The following MEF2C variants were observed in gnomAD, a reference collection of about 807,000 sequenced individuals.
MEF2C encodes myocyte-specific enhancer factor 2C.
MEF2C carries 6 observed loss-of-function variants against 50.5 expected under a neutral mutation model. The ratio of observed to expected loss-of-function variants is 0.12; its 90% CI spans 0.07 to 0.23. MEF2C has a LOEUF of 0.23. Among genes scored for constraint, MEF2C ranks in the 10% least tolerant of loss-of-function variants. The probability of loss-of-function intolerance (pLI) is 1.00; values close to 1 mark genes in which losing one functional copy is unlikely to be tolerated. For synonymous variants in MEF2C, 183 were observed against 228.0 expected (o/e 0.80, Z 1.78); for missense variants, 276 against 605.0 (o/e 0.46, Z 5.70).
In MEF2C at chr5:88,869,736, AAC is replaced by A. The variant is rs1828924639; in HGVS notation, c.-143+13217_-143+13218del. ...CAACAAAAACTGATTTTTTATTAAGAACAGTCAATAGAAATAGAGAAATCTTA... is the reference window on the plus strand; with the variant it reads ...CAACAAAAACTGATTTTTTATTAAGAAGTCAATAGAAATAGAGAAATCTTA... On this transcript the variant is annotated intron_variant, in intron 1 of 10. Transcript: ENST00000504921. 6.0e-5 allele frequency among the ~76,000 whole-genome samples: 9 copies of A among 150,868 alleles called. No homozygotes were observed. In the Admixed American group the frequency reaches 6.0e-4, roughly 10 times the overall value.
intron 5 of MEF2C, among the ~76,000 whole-genome samples, chr5:88,750,815 C>T (rs938404124): frequency 6.6e-6 from 1 of 152,064 alleles, no homozygotes; most frequent in Non-Finnish European, 1.5e-5. Flanking sequence ...AATAGTAATA[C>T]ATGTTTGGTT....
chr5:88,802,017 C>T (rs544935506), intron 3 of MEF2C, among the ~76,000 whole-genome samples: 31 of 152,280 alleles, frequency 2.0e-4, no homozygotes, highest in Admixed American at 6.5e-4. Flanking sequence ...GGGAGTTGAA[C>T]AGGACGGACC....
intron 1 of MEF2C, chr5:88,838,582 G>A (rs748075047): frequency 6.0e-5 from 59 of 985,000 alleles, no homozygotes; most frequent in Non-Finnish European, 7.0e-5. Context: ...AATTACAGAT[G>A]AGAATTACAC....
chr5:88,813,653 A>T (rs1803916282), intron 2 of MEF2C, among the ~76,000 whole-genome samples: 1 of 152,168 alleles, frequency 6.6e-6, no homozygotes, highest in African/African-American at 2.4e-5. Flanking sequence ...TAAGGGAAGC[A>T]ACAAAAATCT....
At chr5:88,818,394 A>G (rs568978345) in intron 2 of MEF2C, among the ~76,000 whole-genome samples, 2 of 152,086 alleles carry the variant, frequency 1.3e-5, no homozygotes, top group East Asian at 1.9e-4. Context: ...ATGATTAAAA[A>G]TTGGTACCAT....
intron 6 of MEF2C, among the ~76,000 whole-genome samples, chr5:88,744,654 C>T (rs144742164): frequency 0.015 from 2,321 of 152,298 alleles, 19 homozygotes; most frequent in Non-Finnish European, 0.022. Flanking sequence ...GGATGAATAA[C>T]CATCAACTGA....
chr5:88,737,058 CAA>C, intron 6 of MEF2C: 1 of 984,930 alleles, frequency 1.0e-6, no homozygotes, highest in Non-Finnish European at 1.2e-6. Flanking sequence ...AGGTGCTTCA[CAA>C]ATAGATATAT....
chr5:88,727,528 TCTCA>T (rs940230387), intron 10 of MEF2C, among the ~76,000 whole-genome samples: 5 of 152,130 alleles, frequency 3.3e-5, no homozygotes, highest in East Asian at 1.9e-4. Flanking sequence ...AGTGTTTTAT[TCTCA>T]CTGTCTCCTT....
At chr5:88,850,707 TACACAC>T (rs747055522) in intron 1 of MEF2C, among the ~76,000 whole-genome samples, 1 of 151,250 alleles carries the variant, frequency 6.6e-6, no homozygotes, top group Non-Finnish European at 1.5e-5. Flanking sequence ...CATATACACA[TACACAC>T]ACACACATAT....
At chr5:88,826,570 C>T (rs1457586500) in intron 1 of MEF2C, among the ~76,000 whole-genome samples, 1 of 151,950 alleles carries the variant, frequency 6.6e-6, no homozygotes, top group South Asian at 2.1e-4. Context: ...CAATAGCTCA[C>T]GCATTGTTTT....
chr5:88,848,923 C>G (rs1355535412), intron 1 of MEF2C, among the ~76,000 whole-genome samples: 1 of 152,002 alleles, frequency 6.6e-6, no homozygotes, highest in Non-Finnish European at 1.5e-5. Flanking sequence ...GATGCCGAGG[C>G]AGGTGGATCA....
intron 6 of MEF2C, chr5:88,735,178 C>T: frequency 2.0e-6 from 2 of 985,372 alleles, no homozygotes; most frequent in Non-Finnish European, 1.2e-6. Flanking sequence ...TTTAAACCGG[C>T]TGGGAAACCG....
intron 1 of MEF2C, among the ~76,000 whole-genome samples, chr5:88,873,196 G>T (rs550034363): frequency 6.6e-6 from 1 of 151,948 alleles, no homozygotes; most frequent in Non-Finnish European, 1.5e-5. Flanking sequence ...TGTTTGCAAC[G>T]AATATACCAT....
upstream of MEF2C, among the ~76,000 whole-genome samples, chr5:88,887,937 T>TGTAAACC (rs1834173246): frequency 6.6e-6 from 1 of 152,266 alleles, no homozygotes; most frequent in African/African-American, 2.4e-5. Context: ...GGATTCTATG[T>TGTAAACC]TTATCTGTAT....
intron 3 of MEF2C, among the ~76,000 whole-genome samples, chr5:88,785,772 T>C (rs1170198286): frequency 6.6e-6 from 1 of 152,118 alleles, no homozygotes; most frequent in African/African-American, 2.4e-5. Context: ...AAGTTAGTTA[T>C]TTATGGCAGT....
At position 88,883,053 on chromosome 5, in the gene MEF2C, T is replaced by A. The variant is rs1833455386; in HGVS notation, c.-241A>T. 1 of 152,286 alleles carries A rather than the reference T, an allele frequency of 6.6e-6. No individual in the cohort carries two copies. Among genetic ancestry groups the A allele is most frequent in the African/African-American group, 2.4e-5 (1 of 41,314 alleles). 9.4% of individuals were successfully genotyped at this position (152,286 alleles called of 1,614,324 possible). ...AATAACAACAATAATCTTTACTTCG[T>A]CCAGCGTTGAAGTGCTTCTCCACCT... On this transcript the variant is annotated 5_prime_UTR_variant, in exon 1 of 11. Coordinates refer to ENST00000504921, the MANE Select transcript of MEF2C (RefSeq NM_002397.5).
chr5:88,758,691 A>G (rs557290790), intron 4 of MEF2C, among the ~76,000 whole-genome samples: 4 of 152,148 alleles, frequency 2.6e-5, no homozygotes, highest in Non-Finnish European at 5.9e-5. Flanking sequence ...CGATGTGCAA[A>G]AACTGGGCTT....
upstream of MEF2C, chr5:88,887,691 C>T (rs1834145409): frequency 6.6e-6 from 1 of 152,176 alleles, no homozygotes; most frequent in South Asian, 2.1e-4. Context: ...AACTTCTAAT[C>T]TGAAGTAACA....
In MEF2C at chr5:88,876,797, T is replaced by C. The variant is rs1233373842; in HGVS notation, c.-143+6158A>G. 2.6e-5 allele frequency among the ~76,000 whole-genome samples: 4 copies of C among 152,124 alleles called. No homozygotes were observed. The East Asian group carries it at 5.8e-4, about 22-fold the overall frequency. Reference sequence around the variant, plus strand: ...ATTCTATCGAAGGACCATATCCACTTCTTTTTTAATCCAATATGCTAGGAA... The same window carrying C: ...ATTCTATCGAAGGACCATATCCACTCCTTTTTTAATCCAATATGCTAGGAA... On this transcript the variant is annotated intron_variant, in intron 1 of 10. Coordinates refer to ENST00000504921, the MANE Select transcript of MEF2C (RefSeq NM_002397.5).
Sources: gnomAD v4.1 joint callset for allele counts (sites outside exome capture counted in the v4.1 genomes callset) on GRCh38, gnomAD v4.1.1 for gene constraint, MANE v1.5 for transcripts, NCBI Gene and HGNC (gene_info 2026-07-23, HGNC 2026-07-21) for gene names.